Variants in ESR2 observed in about 807,000 individuals in gnomAD.
The protein encoded by ESR2 is estrogen receptor beta.
In ESR2, 36 loss-of-function variants were observed where a neutral mutation model predicts 49.6. The observed-to-expected ratio is 0.73, with a 90% CI of 0.56 to 0.96. The LOEUF (loss-of-function observed/expected upper bound fraction) is 0.96, where lower values mean the gene tolerates loss of function less well. ESR2 is among the 40% of genes least tolerant of loss of function. The pLI is 0.00. For missense variants in ESR2, 714 were observed against 693.0 expected (o/e 1.03, Z -0.34); for synonymous variants, 320 against 266.1 (o/e 1.20, Z -1.97).
intron 1 of ESR2, among the ~76,000 whole-genome samples, chr14:64,318,602 T>A (rs999790895): frequency 4.4e-5 from 5 of 114,814 alleles, no homozygotes; most frequent in Non-Finnish European, 9.3e-5. Flanking sequence ...TACTTAGGTA[T>A]AAATCTAACA....
chr14:64,330,964 C>G (rs992909392), intron 1 of ESR2: 14 of 148,774 alleles, frequency 9.4e-5, no homozygotes, highest in Non-Finnish European at 3.0e-5. Flanking sequence ...AAAAAACAAA[C>G]TAATTATTAC....
At chr14:64,252,740 C>T (rs527236900) in intron 6 of ESR2, among the ~76,000 whole-genome samples, 1 of 152,274 alleles carries the variant, frequency 6.6e-6, no homozygotes, top group East Asian at 1.9e-4. Flanking sequence ...ATGGGGGAAA[C>T]CATCCCCATG....
At chr14:64,227,240 G>C, downstream of ESR2, 1 of 429,780 alleles carries the variant, frequency 2.3e-6, no homozygotes, top group South Asian at 3.0e-5. Context: ...CTCATCAGTA[G>C]ATGAAGCCTC....
intron 8 of ESR2, 192 bp downstream of exon 8, chr14:64,234,778 C>A (rs142153976): frequency 7.9e-7 from 1 of 1,272,532 alleles, no homozygotes; most frequent in Middle Eastern, 2.8e-4. Flanking sequence ...CTGTAAGATA[C>A]CACATGACAT....
At chr14:64,284,064 C>A (rs2076741712) in intron 1 of ESR2, among the ~76,000 whole-genome samples, 2 of 151,410 alleles carry the variant, frequency 1.3e-5, no homozygotes, top group African/African-American at 2.4e-5. Flanking sequence ...GTAGCTGAGA[C>A]TATGGGTGCG....
chr14:64,236,107 T>G (rs1464078079), intron 7 of ESR2, among the ~76,000 whole-genome samples: 1 of 152,130 alleles, frequency 6.6e-6, no homozygotes, highest in Non-Finnish European at 1.5e-5. Context: ...TTTTGGCAGT[T>G]TTTGTTCTCT....
At chr14:64,263,807 G>A (rs1225131325) in intron 4 of ESR2, among the ~76,000 whole-genome samples, 2 of 152,078 alleles carry the variant, frequency 1.3e-5, no homozygotes, top group Non-Finnish European at 2.9e-5. Flanking sequence ...CAAAAAGTCA[G>A]AATGCAGAAT....
chr14:64,314,259 C>T (rs1378921197), intron 1 of ESR2, among the ~76,000 whole-genome samples: 1 of 150,112 alleles, frequency 6.7e-6, no homozygotes, highest in African/African-American at 2.5e-5. Flanking sequence ...AACAAGTACT[C>T]CTAAATAAAA....
intron 1 of ESR2, among the ~76,000 whole-genome samples, chr14:64,316,042 C>T (rs1271939085): frequency 6.6e-6 from 1 of 151,658 alleles, no homozygotes; most frequent in Non-Finnish European, 1.5e-5. Context: ...GGCAGTGTCT[C>T]ACTGTCACCC....
At chr14:64,244,427 G>A (rs564488041) in intron 7 of ESR2, among the ~76,000 whole-genome samples, 3 of 152,016 alleles carry the variant, frequency 2.0e-5, no homozygotes, top group Admixed American at 1.3e-4. Context: ...AAGAACAGTG[G>A]ACTAAGTAAG....
Position 64,249,612 on chromosome 14 carries a change from A to C in ESR2, c.1159T>G (p.Phe387Val). ...FDMLLATTSR[F>V]RELKLQHKEY... ...TTGTGTTGGAGTTTTAACTCTCGAA[A>C]CCTTGAAGTAGTTGCCAGGAGCATG... Residue 387 changes from phenylalanine to valine, a missense_variant, in exon 7 of 9, where the codon TTT becomes GTT. Transcript: ENST00000341099. 4 of 1,614,006 alleles carry C rather than the reference A, an allele frequency of 2.5e-6. No individual in the cohort carries two copies. The highest frequency in any genetic ancestry group is 3.4e-6 in the Non-Finnish European group (4 of 1,179,932).
At chr14:64,282,066 G>A (rs2076680931) in intron 2 of ESR2, among the ~76,000 whole-genome samples, 1 of 152,178 alleles carries the variant, frequency 6.6e-6, no homozygotes, top group Non-Finnish European at 1.5e-5. Context: ...TTCAGACCAG[G>A]CACAGTGTTC....
intron 1 of ESR2, among the ~76,000 whole-genome samples, chr14:64,328,236 A>C (rs1372922544): frequency 6.6e-6 from 1 of 151,914 alleles, no homozygotes; most frequent in East Asian, 1.9e-4. Context: ...AAATAAATAA[A>C]TAATGAAACC....
Position 64,260,677 on chromosome 14 carries a change from C to A in ESR2, c.724G>T (p.Ala242Ser). ...QRSADEQLHC[A>S]GKAKRSGGHA... is the part of the protein sequence containing the mutation. ...CCGCCACTTCTCTTGGCCTTGCCGGCACAGTGCAGCTGCTCGTCGGCACTT... is the reference window on the plus strand; with the variant it reads ...CCGCCACTTCTCTTGGCCTTGCCGGAACAGTGCAGCTGCTCGTCGGCACTT... Residue 242 changes from alanine to serine, a missense_variant, in exon 5 of 9, where the codon GCC becomes TCC. Transcript: ENST00000341099. 1 of 1,589,378 alleles carries A rather than the reference C, an allele frequency of 6.3e-7. No individual in the cohort carries two copies. Among genetic ancestry groups the A allele is most frequent in the Non-Finnish European group, 8.6e-7 (1 of 1,164,966 alleles).
At chr14:64,270,317 C>T (rs1268620218) in intron 3 of ESR2, among the ~76,000 whole-genome samples, 1 of 152,056 alleles carries the variant, frequency 6.6e-6, no homozygotes, top group Non-Finnish European at 1.5e-5. Context: ...GCAAGGAAGG[C>T]AGAAAGGAGG....
intron 1 of ESR2, among the ~76,000 whole-genome samples, chr14:64,314,815 T>C (rs758137796): frequency 2.3e-5 from 3 of 131,014 alleles, no homozygotes; most frequent in Non-Finnish European, 3.2e-5. Context: ...GAGGCGGAGG[T>C]TGCAGTGAGC....
chr14:64,326,449 T>C (rs1490535951), intron 1 of ESR2, among the ~76,000 whole-genome samples: 2 of 152,184 alleles, frequency 1.3e-5, no homozygotes, highest in East Asian at 3.8e-4. Context: ...TATTTAATTA[T>C]TTATTATTCT....
At chr14:64,241,854 A>T (rs1323142731) in intron 7 of ESR2, among the ~76,000 whole-genome samples, 1 of 152,198 alleles carries the variant, frequency 6.6e-6, no homozygotes, top group Non-Finnish European at 1.5e-5. Flanking sequence ...AAAGACTTTC[A>T]CTTCTACCTT....
intron 1 of ESR2, among the ~76,000 whole-genome samples, chr14:64,288,768 C>A (rs1169464449): frequency 2.0e-5 from 3 of 151,478 alleles, no homozygotes; most frequent in East Asian, 3.9e-4. Context: ...GGGCAGATCA[C>A]CTGAAATCAG....
Sources: gnomAD v4.1 joint callset for allele counts (sites outside exome capture counted in the v4.1 genomes callset) on GRCh38, gnomAD v4.1.1 for gene constraint, MANE v1.5 for transcripts, NCBI Gene and HGNC (gene_info 2026-07-23, HGNC 2026-07-21) for gene names.